The following DLG1 variants were observed in gnomAD, a reference collection of about 807,000 sequenced individuals.
DLG1 encodes discs large MAGUK scaffold protein 1, also known as disks large homolog 1.
In DLG1, 42 loss-of-function variants were observed where a neutral mutation model predicts 123.4. That is an observed-to-expected ratio of 0.34 (90% CI 0.27 to 0.44). The LOEUF (loss-of-function observed/expected upper bound fraction) is 0.44, where lower values mean the gene tolerates loss of function less well. DLG1 is among the 20% of genes least tolerant of loss of function. The pLI, the probability that DLG1 is intolerant of heterozygous loss-of-function variation, is 1.00. For synonymous variants in DLG1, 317 were observed against 356.2 expected (o/e 0.89, Z 1.24); for missense variants, 942 against 1,082.6 (o/e 0.87, Z 1.82).
chr3:197,159,570 G>C (rs929014023), intron 5 of DLG1, among the ~76,000 whole-genome samples: 1 of 152,088 alleles, frequency 6.6e-6, no homozygotes. Flanking sequence ...GATCTTTTAA[G>C]AATACATATT....
At chr3:197,258,788 T>C (rs1758035746) in intron 4 of DLG1, among the ~76,000 whole-genome samples, 1 of 152,240 alleles carries the variant, frequency 6.6e-6, no homozygotes, top group South Asian at 2.1e-4. Flanking sequence ...ATTGGTTAAA[T>C]ATGTTCAAAG....
intron 13 of DLG1, among the ~76,000 whole-genome samples, chr3:197,110,361 C>A (rs1283261895): frequency 6.6e-6 from 1 of 152,174 alleles, no homozygotes; most frequent in Non-Finnish European, 1.5e-5. Flanking sequence ...TAATTTCTAA[C>A]TCTTTATTGA....
chr3:197,149,139 AT>A (rs1428102633), intron 6 of DLG1, among the ~76,000 whole-genome samples: 1 of 151,996 alleles, frequency 6.6e-6, no homozygotes, highest in Non-Finnish European at 1.5e-5. Context: ...TGCCATCATC[AT>A]TACTTTCTAA....
At position 197,090,985 on chromosome 3, in the gene DLG1, G is replaced by C; in HGVS notation, c.1588C>G (p.Gln530Glu). The C allele has an allele frequency of 6.2e-7, 1 of 1,612,156 alleles. No individual in the cohort carries two copies. The highest frequency in any genetic ancestry group is 1.1e-5 in the South Asian group (1 of 90,904). ...FEAKIHDLRE[Q>E]MMNSSISSGS... is the part of the protein sequence containing the mutation. ...GAACTAATACTACTATTCATCATCT[G>C]CTCCCGTAAATCATGTATTTTAGCT... is the stretch of plus-strand genomic sequence containing the variant. The change falls in exon 15 of 25, where the codon CAG (glutamine) becomes GAG (glutamate). Residue 530 changes from glutamine to glutamate, a missense_variant. Physicochemically the swap from Gln to Glu is conservative, Grantham distance 29. Transcript: ENST00000667157.
chr3:197,230,188 A>G (rs553173019), intron 4 of DLG1, among the ~76,000 whole-genome samples: 1 of 152,338 alleles, frequency 6.6e-6, no homozygotes, highest in Admixed American at 6.5e-5. Context: ...AGAGGGAAAA[A>G]AAGATGCTGA....
intron 4 of DLG1, among the ~76,000 whole-genome samples, chr3:197,230,061 C>G (rs1221264287): frequency 6.6e-6 from 1 of 152,152 alleles, no homozygotes; most frequent in African/African-American, 2.4e-5. Context: ...GTCCAAAGTC[C>G]TTACTATTCT....
chr3:197,093,857 C>T (rs1012841665), intron 14 of DLG1, among the ~76,000 whole-genome samples: 6 of 152,170 alleles, frequency 3.9e-5, no homozygotes, highest in Non-Finnish European at 7.3e-5. Context: ...GCAATTTCCC[C>T]ATCGACAGGT....
At chr3:197,082,926 AAAGC>A (rs1240955700) in intron 16 of DLG1, among the ~76,000 whole-genome samples, 5 of 152,236 alleles carry the variant, frequency 3.3e-5, no homozygotes, top group African/African-American at 9.6e-5. Context: ...GTAGGCACAG[AAAGC>A]CTTTGTAAGG....
intron 22 of DLG1, among the ~76,000 whole-genome samples, chr3:197,064,143 C>T (rs1737799949): frequency 6.6e-6 from 1 of 151,684 alleles, no homozygotes; most frequent in Non-Finnish European, 1.5e-5. Context: ...TGGTCTTGAA[C>T]TCCTGACCTC....
chr3:197,225,172 A>G (rs1185427444), intron 4 of DLG1, among the ~76,000 whole-genome samples: 8 of 152,170 alleles, frequency 5.3e-5, no homozygotes, highest in Non-Finnish European at 4.4e-5. Flanking sequence ...GTTAACCAGG[A>G]CGGTCTCGAT....
chr3:197,166,612 G>A (rs572774889), intron 5 of DLG1, among the ~76,000 whole-genome samples: 4 of 152,224 alleles, frequency 2.6e-5, no homozygotes, highest in East Asian at 1.9e-4. Flanking sequence ...CAACATGGCC[G>A]GGCACGGAGG....
intron 14 of DLG1, among the ~76,000 whole-genome samples, chr3:197,092,751 CT>C (rs1215021939): frequency 6.6e-6 from 1 of 152,210 alleles, no homozygotes. Flanking sequence ...AGTCCTCTCG[CT>C]TTGGCCTCTC....
At chr3:197,178,578 G>C (rs1375053040) in intron 5 of DLG1, among the ~76,000 whole-genome samples, 1 of 152,200 alleles carries the variant, frequency 6.6e-6, no homozygotes, top group Non-Finnish European at 1.5e-5. Context: ...CATAGGACTA[G>C]ATGCGATCAC....
At chr3:197,122,872 A>G (rs2149463591) in intron 11 of DLG1, among the ~76,000 whole-genome samples, 1 of 152,224 alleles carries the variant, frequency 6.6e-6, no homozygotes, top group South Asian at 2.1e-4. Context: ...TTAAAAAGGA[A>G]ATTCAAAGAC....
intron 11 of DLG1, among the ~76,000 whole-genome samples, chr3:197,129,704 T>C (rs970003224): frequency 6.6e-6 from 1 of 152,192 alleles, no homozygotes; most frequent in Non-Finnish European, 1.5e-5. Flanking sequence ...ACTTTTCACT[T>C]GAGCACTCAG....
intron 4 of DLG1, among the ~76,000 whole-genome samples, chr3:197,196,171 C>CA (rs71162001): frequency 0.02 from 1,781 of 88,528 alleles, 27 homozygotes; most frequent in African/African-American, 0.04. Flanking sequence ...AAATGCACAC[C>CA]AAAAAAAAAA....
intron 3 of DLG1, among the ~76,000 whole-genome samples, chr3:197,287,040 A>AT (rs545413491): frequency 2.3e-3 from 341 of 148,098 alleles, no homozygotes; most frequent in Non-Finnish European, 2.4e-3. Flanking sequence ...GCCTGGTTAA[A>AT]TTTTTTTTTT....
chr3:197,065,321 A>T lies in DLG1; in HGVS notation c.2328T>A (p.His776Gln). Residue 776 changes from histidine (H) to glutamine (Q), a missense_variant, in exon 22 of 25, where the codon CAT becomes CAA. Coordinates refer to ENST00000667157, the MANE Select transcript of DLG1 (RefSeq NM_001366207.1). ...CAGACTGAACACTTGTTCCATATAG[A>T]TGATTGTTATACTGGCCAGCTTCAA... ...KFIEAGQYNN[H>Q]LYGTSVQSVR... The T allele has an allele frequency of 6.2e-7, 1 of 1,612,398 alleles. No individual in the cohort carries two copies. Among genetic ancestry groups the T allele is most frequent in the Non-Finnish European group, 8.5e-7 (1 of 1,179,568 alleles).
At position 197,044,117 on chromosome 3, in the gene DLG1, T is replaced by C. The variant is rs1721497237; in HGVS notation, c.*506A>G. 1 of 152,186 alleles carries C rather than the reference T, an allele frequency of 6.6e-6. No homozygotes were observed. Among genetic ancestry groups the C allele is most frequent in the South Asian group, 2.1e-4 (1 of 4,834 alleles). 9.4% of individuals were successfully genotyped at this position (152,186 alleles called of 1,614,324 possible). A position where few individuals can be genotyped will look rare whatever the true frequency, so the allele number is the denominator to read the frequency against. ...ATTTTTAAATTAAAAAATGTCCTTA[T>C]TTATCTATAATGAAACAATTGCTTT... On this transcript the variant is annotated 3_prime_UTR_variant, in exon 25 of 25. Transcript: ENST00000667157.
Sources: gnomAD v4.1 joint callset for allele counts (sites outside exome capture counted in the v4.1 genomes callset) on GRCh38, gnomAD v4.1.1 for gene constraint, MANE v1.5 for transcripts, NCBI Gene and HGNC (gene_info 2026-07-23, HGNC 2026-07-21) for gene names.